KCNQ5: variants seen among roughly 807,000 people sequenced by gnomAD.
The protein encoded by KCNQ5 is potassium voltage-gated channel subfamily KQT member 5.
A neutral mutation model predicts 98.2 loss-of-function variants in KCNQ5; 30 were observed. The observed-to-expected ratio is 0.31, with a 90% confidence interval of 0.23 to 0.41. The LOEUF (loss-of-function observed/expected upper bound fraction) is 0.41. Among genes scored for constraint, KCNQ5 ranks in the 10% least tolerant of loss-of-function variants. KCNQ5 has a pLI of 1.00. For missense variants in KCNQ5, 835 were observed against 1,182.5 expected, an observed-to-expected ratio of 0.71 and a Z score of 4.31; for synonymous variants, 458 against 449.4, an observed-to-expected ratio of 1.02 and a Z score of -0.24.
At chr6:72,980,159 G>T (rs929683785) in intron 1 of KCNQ5, among the ~76,000 whole-genome samples, 6 of 151,916 alleles carry the variant, frequency 3.9e-5, no homozygotes, top group Admixed American at 6.6e-5. Context: ...GGCAATGTGG[G>T]CTCTTTTTTT....
At chr6:72,890,290 T>C (rs1779009354) in intron 1 of KCNQ5, among the ~76,000 whole-genome samples, 1 of 152,008 alleles carries the variant, frequency 6.6e-6, no homozygotes, top group Non-Finnish European at 1.5e-5. Context: ...TGCTTTGTGA[T>C]AAGAGCAAGT....
At chr6:72,906,152 G>A (rs916264646) in intron 1 of KCNQ5, among the ~76,000 whole-genome samples, 2 of 152,206 alleles carry the variant, frequency 1.3e-5, no homozygotes, top group South Asian at 2.1e-4. Flanking sequence ...CCACTGCTGA[G>A]TCATGCAGAT....
rs577180860 is a variant in KCNQ5, at chr6:73,129,176, G to C, written c.1248-4245G>C. ...TTTCAAAAACAATCTTTCCAAAATG[G>C]TCTCTCCTTCTGTTCACATTTATTG... On this transcript the variant is annotated intron_variant, in intron 9 of 13. Coordinates refer to ENST00000370398, the MANE Select transcript of KCNQ5 (RefSeq NM_019842.4). Among the ~76,000 whole-genome samples, 569 of 152,212 alleles carry C rather than the reference G, an allele frequency of 3.7e-3. 5 individuals are homozygous for C. The highest frequency in any genetic ancestry group is 0.013 in the African/African-American group (543 of 41,522).
At chr6:72,752,152 C>T (rs1401702569) in intron 1 of KCNQ5, among the ~76,000 whole-genome samples, 4 of 152,050 alleles carry the variant, frequency 2.6e-5, no homozygotes, top group African/African-American at 9.7e-5. Context: ...AAATCAGGTG[C>T]TGGGTGTAAG....
chr6:72,679,248 A>G (rs926571766), intron 1 of KCNQ5, among the ~76,000 whole-genome samples: 1 of 152,184 alleles, frequency 6.6e-6, no homozygotes, highest in Non-Finnish European at 1.5e-5. Context: ...ACTATAAATC[A>G]TGCTGCTATA....
intron 1 of KCNQ5, chr6:72,987,708 T>A: frequency 1.8e-6 from 1 of 567,268 alleles, no homozygotes; most frequent in East Asian, 4.5e-5. Context: ...AGATCTTTTA[T>A]ATTCATAGGA....
At chr6:72,835,413 C>A (rs1776462186) in intron 1 of KCNQ5, among the ~76,000 whole-genome samples, 1 of 152,060 alleles carries the variant, frequency 6.6e-6, no homozygotes, top group South Asian at 2.1e-4. Context: ...TTTTCCCTTT[C>A]AGTTTCTAAT....
At chr6:72,942,874 G>GA (rs1482180331) in intron 1 of KCNQ5, among the ~76,000 whole-genome samples, 1 of 152,134 alleles carries the variant, frequency 6.6e-6, no homozygotes, top group African/African-American at 2.4e-5. Context: ...AGTTTTTAAT[G>GA]AAAAATCACC....
At chr6:72,980,762 G>T (rs1053925972) in intron 1 of KCNQ5, among the ~76,000 whole-genome samples, 7 of 152,190 alleles carry the variant, frequency 4.6e-5, no homozygotes, top group Admixed American at 1.3e-4. Context: ...AGTTTTCAAA[G>T]GAAATGCTTC....
chr6:73,034,908 T>C (rs576953541), intron 2 of KCNQ5, among the ~76,000 whole-genome samples: 25 of 147,912 alleles, frequency 1.7e-4, no homozygotes, highest in African/African-American at 2.5e-4. Flanking sequence ...TGCAGTGGCA[T>C]GATCTCGGCT....
intron 1 of KCNQ5, among the ~76,000 whole-genome samples, chr6:72,975,511 G>A (rs1768121427): frequency 6.6e-6 from 1 of 152,082 alleles, no homozygotes; most frequent in African/African-American, 2.4e-5. Context: ...AGCAACAAGT[G>A]CCATTGTAGG....
intron 10 of KCNQ5, among the ~76,000 whole-genome samples, chr6:73,146,688 A>G (rs6906825): frequency 0.21 from 31,325 of 149,184 alleles, 7,980 homozygotes; most frequent in African/African-American, 0.61. Flanking sequence ...TGACTAGTTC[A>G]ATTATACATG....
intron 2 of KCNQ5, among the ~76,000 whole-genome samples, chr6:73,010,495 T>C (rs1039811157): frequency 6.6e-6 from 1 of 152,058 alleles, no homozygotes; most frequent in Non-Finnish European, 1.5e-5. Context: ...TTCAACAAAG[T>C]ACTAGACGGC....
At chr6:73,054,170 C>G (rs578020723) in intron 3 of KCNQ5, among the ~76,000 whole-genome samples, 3 of 152,080 alleles carry the variant, frequency 2.0e-5, no homozygotes, top group Admixed American at 2.0e-4. Flanking sequence ...GGACAGAGAC[C>G]AATAATGAGT....
chr6:73,122,973 T>C (rs1775805802), intron 8 of KCNQ5, among the ~76,000 whole-genome samples: 1 of 152,200 alleles, frequency 6.6e-6, no homozygotes, highest in Non-Finnish European at 1.5e-5. Flanking sequence ...TACTATTTTA[T>C]TTACATTGTG....
chr6:73,119,376 A>G (rs1775652031), intron 7 of KCNQ5, among the ~76,000 whole-genome samples: 1 of 152,200 alleles, frequency 6.6e-6, no homozygotes, highest in African/African-American at 2.4e-5. Context: ...TTTCTCACCT[A>G]CAAAACAGGA....
chr6:72,735,438 A>C (rs1224254228), intron 1 of KCNQ5, among the ~76,000 whole-genome samples: 2 of 152,168 alleles, frequency 1.3e-5, no homozygotes, highest in African/African-American at 4.8e-5. Flanking sequence ...AACAGCTTCC[A>C]ATGTTTCTCT....
chr6:73,155,775 A>G (rs762812888), intron 10 of KCNQ5, among the ~76,000 whole-genome samples: 34 of 152,374 alleles, frequency 2.2e-4, no homozygotes, highest in Admixed American at 3.9e-4. Flanking sequence ...TTAAAATTCA[A>G]ATTTTCAAGG....
chr6:72,756,888 A>C (rs1160091443), intron 1 of KCNQ5, among the ~76,000 whole-genome samples: 1 of 152,152 alleles, frequency 6.6e-6, no homozygotes, highest in Non-Finnish European at 1.5e-5. Flanking sequence ...AAAAACAATC[A>C]TCTTTAATTC....
Sources: gnomAD v4.1 joint callset for allele counts (sites outside exome capture counted in the v4.1 genomes callset) on GRCh38, gnomAD v4.1.1 for gene constraint, MANE v1.5 for transcripts, NCBI Gene and HGNC (gene_info 2026-07-23, HGNC 2026-07-21) for gene names.